UNC80: variants seen among roughly 807,000 people sequenced by gnomAD.
UNC80 encodes unc-80 subunit of NALCN channel complex.
Under a neutral mutation model 384.6 loss-of-function variants are expected in UNC80, and 164 were observed. That is an observed-to-expected ratio of 0.43 (90% CI 0.38 to 0.49). The LOEUF is 0.49. UNC80 is among the 20% of genes least tolerant of loss of function. The pLI, the probability that UNC80 is intolerant of heterozygous loss-of-function variation, is 0.00. For synonymous variants in UNC80, 1,486 were observed against 1,527.8 expected (o/e 0.97, Z 0.64); for missense variants, 3,330 against 4,143.0 (o/e 0.80, Z 5.39).
In UNC80 at chr2:209,959,153, A is replaced by G; in HGVS notation, c.7585A>G (p.Arg2529Gly). The G allele has an allele frequency of 6.4e-7, 1 of 1,552,064 alleles. No homozygotes were observed. Among genetic ancestry groups the G allele is most frequent in the East Asian group, 2.4e-5 (1 of 40,912 alleles). The change falls in exon 50 of 65, where the codon AGG becomes GGG. Residue 2529 changes from arginine to glycine, a missense_variant and splice_region_variant. Around this residue, in one of 8 missense-constraint regions of UNC80, gnomAD observed 1,049 missense variants for 1,488.6 expected, o/e 0.70. Transcript: ENST00000673920. Reference protein sequence around the residue: ...QEQGAKLHFIRENLHLLEEGQ... With the variant: ...QEQGAKLHFIGENLHLLEEGQ... The stretch of plus-strand genomic sequence containing the variant: ...ACAAGGAGCCAAACTGCACTTTATC[A>G]GGTACAGAAAGACTTGCTCTAATTT...
At chr2:209,835,304 G>T (rs546650558) in intron 18 of UNC80, among the ~76,000 whole-genome samples, 15 of 152,278 alleles carry the variant, frequency 9.9e-5, no homozygotes, top group Non-Finnish European at 1.9e-4. Flanking sequence ...TATATACCAG[G>T]TGGGCTGGGA....
chr2:209,878,853 C>T (rs934024221), intron 24 of UNC80, among the ~76,000 whole-genome samples: 2 of 152,114 alleles, frequency 1.3e-5, no homozygotes, highest in African/African-American at 4.8e-5. Flanking sequence ...CTGACCTTCC[C>T]CTGTGGTTTG....
At chr2:209,810,905 C>G (rs2079300096) in intron 7 of UNC80, among the ~76,000 whole-genome samples, 1 of 151,896 alleles carries the variant, frequency 6.6e-6, no homozygotes, top group African/African-American at 2.4e-5. Flanking sequence ...CAACCCTATA[C>G]TTTGTCTTTT....
intron 14 of UNC80, among the ~76,000 whole-genome samples, chr2:209,827,606 T>C (rs1022383009): frequency 6.6e-6 from 1 of 152,208 alleles, no homozygotes; most frequent in African/African-American, 2.4e-5. Context: ...ATGCTCATTA[T>C]TGATATTATA....
At chr2:209,836,584 C>A (rs2081351259) in intron 18 of UNC80, among the ~76,000 whole-genome samples, 1 of 152,148 alleles carries the variant, frequency 6.6e-6, no homozygotes, top group African/African-American at 2.4e-5. Context: ...TTTCAATATG[C>A]CTCTACATAA....
At chr2:209,889,387 C>T (rs899629555) in intron 26 of UNC80, among the ~76,000 whole-genome samples, 1 of 152,174 alleles carries the variant, frequency 6.6e-6, no homozygotes, top group Non-Finnish European at 1.5e-5. Flanking sequence ...TCCATCTGTA[C>T]ATATCATTTC....
intron 23 of UNC80, among the ~76,000 whole-genome samples, chr2:209,874,407 C>T: frequency 6.6e-6 from 1 of 152,184 alleles, no homozygotes; most frequent in East Asian, 1.9e-4. Flanking sequence ...AGAGGAAAAC[C>T]ATTAAGTGCT....
intron 3 of UNC80, among the ~76,000 whole-genome samples, chr2:209,777,034 C>G (rs1246804846): frequency 6.6e-6 from 1 of 152,166 alleles, no homozygotes; most frequent in African/African-American, 2.4e-5. Context: ...ATTTGGGTAC[C>G]TAACTGAAGA....
intron 47 of UNC80, among the ~76,000 whole-genome samples, chr2:209,948,316 C>G (rs1559378098): frequency 6.6e-6 from 1 of 152,072 alleles, no homozygotes; most frequent in African/African-American, 2.4e-5. Flanking sequence ...TTCTAGTACC[C>G]TATGGCCTCA....
chr2:209,793,707 C>T lies in UNC80; in HGVS notation c.799-13C>T, dbSNP rs1325940380. On this transcript the variant is annotated splice_polypyrimidine_tract_variant and intron_variant, in intron 6 of 64. Coordinates refer to ENST00000673920, the MANE Select transcript of UNC80 (RefSeq NM_001371986.1). Reference sequence around the variant, plus strand: ...AAAAACAAAACCTAATCTGCTATCTCTGCCTCCAAAAGGGACTCCAGGTGG... The same window carrying T: ...AAAAACAAAACCTAATCTGCTATCTTTGCCTCCAAAAGGGACTCCAGGTGG... 1.7e-5 allele frequency: 27 copies of T among 1,612,862 alleles called. No homozygotes were observed. The highest frequency in any genetic ancestry group is 2.2e-5 in the Non-Finnish European group (26 of 1,179,282).
intron 16 of UNC80, 119 bp downstream of exon 16, chr2:209,831,710 A>T (rs1391119433): frequency 8.5e-7 from 1 of 1,177,664 alleles, no homozygotes; most frequent in Non-Finnish European, 1.1e-6. Context: ...TTAAAGTTTA[A>T]ATATCTATTT....
At chr2:209,796,660 C>G (rs1040051770) in intron 7 of UNC80, 1 of 157,362 alleles carries the variant, frequency 6.4e-6, no homozygotes, top group Non-Finnish European at 1.4e-5. Context: ...ATAAGTCTCA[C>G]GAGATCTGAT....
chr2:209,777,584 C>T (rs1343797052), intron 4 of UNC80, 25 bp downstream of exon 4: 1 of 1,580,942 alleles, frequency 6.3e-7, no homozygotes, highest in East Asian at 2.2e-5. Context: ...AGTGTTAGAG[C>T]TGGAGTGGGT....
chr2:209,839,071 C>T lies in UNC80; in HGVS notation c.3042-151C>T, dbSNP rs375438561. The T allele has an allele frequency of 4.3e-5, 29 of 677,168 alleles. No individual in the cohort carries two copies. Among genetic ancestry groups the T allele is most frequent in the Middle Eastern group, 4.1e-4 (1 of 2,422 alleles). The allele number at this position is 677,168 out of a possible 1,614,324, so 41.9% of individuals were successfully genotyped here. A position where few individuals can be genotyped will look rare whatever the true frequency, so the allele number is the denominator to read the frequency against. ...AAGATGAACCTTGATCTCTTTCCTC[C>T]CACTTCAATGCCCACTCTTCCCACA... is the stretch of plus-strand genomic sequence containing the variant. On this transcript the variant is annotated intron_variant, in intron 18 of 64. Coordinates refer to ENST00000673920, the MANE Select transcript of UNC80 (RefSeq NM_001371986.1). The surrounding 1 kb of genome is among the most constrained non-coding windows in gnomAD (Gnocchi z 4.1).
At position 209,831,527 on chromosome 2, in the gene UNC80, T is replaced by C. The variant is rs2080966741; in HGVS notation, c.2711T>C (p.Met904Thr). 1.3e-6 allele frequency: 2 copies of C among 1,551,292 alleles called. No individual in the cohort carries two copies. The highest frequency in any genetic ancestry group is 1.7e-4 in the Middle Eastern group (1 of 5,990). The change falls in exon 16 of 65, where the codon ATG (methionine) becomes ACG (threonine). Residue 904 changes from methionine to threonine, a missense_variant. Around this residue, in one of 8 missense-constraint regions of UNC80, gnomAD observed 937 missense variants for 1,026.8 expected, o/e 0.91. Coordinates refer to ENST00000673920, the MANE Select transcript of UNC80 (RefSeq NM_001371986.1). ...QNVEGIIVSA[M>T]FKSLITRCAS... ...GTGGAAGGCATTATCGTCAGCGCCA[T>C]GTTTAAATCCCTCATCACACGCTGC...
In UNC80 at chr2:209,872,680, C is replaced by A; in HGVS notation, c.3628-78C>A. On this transcript the variant is annotated intron_variant, in intron 22 of 64. Transcript: ENST00000673920. This position sits in a 1 kb window ranked among gnomAD's most constrained non-coding sequence, Gnocchi z 4.1. ...AAGAGGAAAATAAACTAAAAATACA[C>A]AGTAATTCCCTTTAAGACCAATTTA... The A allele has an allele frequency of 7.9e-7, 1 of 1,264,802 alleles. No homozygotes were observed. The highest frequency in any genetic ancestry group is 1.1e-6 in the Non-Finnish European group (1 of 890,668). 78.3% of individuals were successfully genotyped at this position (1,264,802 alleles called of 1,614,324 possible). A position where few individuals can be genotyped will look rare whatever the true frequency, so the allele number is the denominator to read the frequency against.
At chr2:209,876,098 A>G (rs2084759336) in intron 23 of UNC80, among the ~76,000 whole-genome samples, 1 of 152,176 alleles carries the variant, frequency 6.6e-6, no homozygotes, top group Non-Finnish European at 1.5e-5. Flanking sequence ...CTCTTTAGCC[A>G]GTTAATGAGT....
chr2:209,896,275 C>T lies in UNC80; in HGVS notation c.4481-38C>T, dbSNP rs779198749. On this transcript the variant is annotated intron_variant, in intron 27 of 64. Coordinates refer to ENST00000673920, the MANE Select transcript of UNC80 (RefSeq NM_001371986.1). ...ATACCAACATGCTCTCCAGGGAGACCGAACACTGAAACCTTTCTTGGTATT... is the reference window on the plus strand; with the variant it reads ...ATACCAACATGCTCTCCAGGGAGACTGAACACTGAAACCTTTCTTGGTATT... 7 of 1,528,398 alleles carry T rather than the reference C, an allele frequency of 4.6e-6. No individual in the cohort carries two copies. In the East Asian group the frequency reaches 7.4e-5, roughly 16 times the overall value. 94.7% of individuals were successfully genotyped at this position (1,528,398 alleles called of 1,614,324 possible). A position where few individuals can be genotyped will look rare whatever the true frequency, so the allele number is the denominator to read the frequency against.
At chr2:209,972,913 T>C in intron 55 of UNC80, 151 bp from the exon 56 acceptor site, 1 of 677,186 alleles carries the variant, frequency 1.5e-6, no homozygotes, top group South Asian at 1.9e-5. Context: ...TTTCTGTCCA[T>C]TGGTGAAGCT....
Sources: allele counts gnomAD v4.1 joint callset (sites outside exome capture counted in the v4.1 genomes callset), GRCh38; gene constraint gnomAD v4.1.1; regional missense constraint gnomAD v4.1.1; non-coding constraint Gnocchi (gnomAD v3.1); transcripts MANE v1.5; gene names NCBI Gene and HGNC (gene_info 2026-07-23, HGNC 2026-07-21).